ZNF562: variants seen among roughly 807,000 people sequenced by gnomAD.
ZNF562 encodes zinc finger protein 562.
In ZNF562, 13 loss-of-function variants were observed where a neutral mutation model predicts 17.5. That is an observed-to-expected ratio of 0.74 (90% CI 0.48 to 1.18). ZNF562 has a LOEUF of 1.18. ZNF562 is among the 50% of genes most tolerant of loss of function. The probability of loss-of-function intolerance (pLI) is 0.00; values close to 1 mark genes in which losing one functional copy is unlikely to be tolerated. For synonymous variants in ZNF562, 163 were observed against 165.4 expected (o/e 0.99, Z 0.11); for missense variants, 481 against 498.5 (o/e 0.96, Z 0.33).
Position 9,650,299 on chromosome 19 carries a change from T to A in ZNF562, c.*2650A>T, listed in dbSNP as rs989017224. The stretch of plus-strand genomic sequence containing the variant: ...AGTACTTAATATGATTCTTTTCTCT[T>A]TCCACATAGAGAATCAGATAATCTA... On this transcript the variant is annotated 3_prime_UTR_variant, in exon 6 of 6. Coordinates refer to ENST00000453372, the MANE Select transcript of ZNF562 (RefSeq NM_001130031.2). 1.3e-5 allele frequency: 2 copies of A among 151,832 alleles called. No individual in the cohort carries two copies. The highest frequency in any genetic ancestry group is 4.8e-5 in the African/African-American group (2 of 41,336). The allele number at this position is 151,832 out of a possible 1,614,324, so 9.4% of individuals were successfully genotyped here.
chr19:9,658,737 G>T (rs1418599782), intron 3 of ZNF562, among the ~76,000 whole-genome samples: 1 of 151,374 alleles, frequency 6.6e-6, no homozygotes, highest in Non-Finnish European at 1.5e-5. Flanking sequence ...TTTAATTTTT[G>T]ATTAGAACAG....
Position 9,642,390 on chromosome 19 carries a change from C to T in ZNF562, c.*10559G>A, listed in dbSNP as rs981571885. The T allele has an allele frequency of 3.3e-5, 5 of 151,710 alleles. No individual in the cohort carries two copies. Among genetic ancestry groups the T allele is most frequent in the Non-Finnish European group, 7.4e-5 (5 of 67,988 alleles). The allele number at this position is 151,710 out of a possible 1,614,324, so 9.4% of individuals were successfully genotyped here. The stretch of plus-strand genomic sequence containing the variant: ...CTTTACTTCCTGGGCTCAAGCAGTC[C>T]TTTGCCTGAGTACCAGGGACTACAT... On this transcript the variant is annotated 3_prime_UTR_variant, in exon 6 of 6. Transcript: ENST00000453372.
chr19:9,654,689 C>T (rs1007869275), intron 5 of ZNF562, among the ~76,000 whole-genome samples: 15 of 152,000 alleles, frequency 9.9e-5, no homozygotes, highest in African/African-American at 3.1e-4. Flanking sequence ...CCTTCTCATC[C>T]GCCTGCCTAG....
At position 9,643,436 on chromosome 19, in the gene ZNF562, A is replaced by G. The variant is rs1440082277; in HGVS notation, c.*9513T>C. The G allele has an allele frequency of 6.6e-6, 1 of 152,152 alleles. No individual in the cohort carries two copies. The highest frequency in any genetic ancestry group is 1.5e-5 in the Non-Finnish European group (1 of 68,030). The allele number at this position is 152,152 out of a possible 1,614,324, so 9.4% of individuals were successfully genotyped here. A position where few individuals can be genotyped will look rare whatever the true frequency, so the allele number is the denominator to read the frequency against. ...TCTGGGCAAATTCCAGGCATCATCC[A>G]TAATGATGAATGCACAAATACAAAG... On this transcript the variant is annotated 3_prime_UTR_variant, in exon 6 of 6. Coordinates refer to ENST00000453372, the MANE Select transcript of ZNF562 (RefSeq NM_001130031.2).
rs200308867 is a variant in ZNF562 at position 9,652,940 on chromosome 19, A to G, written c.*9T>C. 8.8e-5 allele frequency: 130 copies of G among 1,474,590 alleles called. No homozygotes were observed. Among genetic ancestry groups the G allele is most frequent in the Non-Finnish European group, 1.1e-4 (122 of 1,112,444 alleles). 91.3% of individuals were successfully genotyped at this position (1,474,590 alleles called of 1,614,324 possible). A position where few individuals can be genotyped will look rare whatever the true frequency, so the allele number is the denominator to read the frequency against. On this transcript the variant is annotated 3_prime_UTR_variant, in exon 6 of 6. Coordinates refer to ENST00000453372, the MANE Select transcript of ZNF562 (RefSeq NM_001130031.2). ...GGAATACAGAAATTCTTTCCCACATATCTTGCATTTACCTTTCTCCACTGT... is the reference window on the plus strand; with the variant it reads ...GGAATACAGAAATTCTTTCCCACATGTCTTGCATTTACCTTTCTCCACTGT...
rs923105755 is a variant in ZNF562 at position 9,647,885 on chromosome 19, G to C, written c.*5064C>G. 1.3e-4 allele frequency: 20 copies of C among 151,980 alleles called. No individual in the cohort carries two copies. The highest frequency in any genetic ancestry group is 4.1e-4 in the African/African-American group (17 of 41,370). 9.4% of individuals were successfully genotyped at this position (151,980 alleles called of 1,614,324 possible). Reference sequence around the variant, plus strand: ...AAACAAACACCAACTCAAAAACAAAGAAACAAACCAAAAAAATGAAAATAT... The same window carrying C: ...AAACAAACACCAACTCAAAAACAAACAAACAAACCAAAAAAATGAAAATAT... On this transcript the variant is annotated 3_prime_UTR_variant, in exon 6 of 6. Transcript: ENST00000453372.
chr19:9,652,676 G>T lies in ZNF562; in HGVS notation c.*273C>A. 3.7e-6 allele frequency: 1 copy of T among 273,568 alleles called. No individual in the cohort carries two copies. The highest frequency in any genetic ancestry group is 6.8e-5 in the East Asian group (1 of 14,666). 16.9% of individuals were successfully genotyped at this position (273,568 alleles called of 1,614,324 possible). ...CGGGATGCATCTAAGGCCAATCTGT[G>T]AGCCATTACAACCTCCAAAAGGCAT... On this transcript the variant is annotated 3_prime_UTR_variant, in exon 6 of 6. Coordinates refer to ENST00000453372, the MANE Select transcript of ZNF562 (RefSeq NM_001130031.2).
chr19:9,658,855 C>G (rs2043619512), intron 3 of ZNF562, among the ~76,000 whole-genome samples: 1 of 152,130 alleles, frequency 6.6e-6, no homozygotes, highest in Non-Finnish European at 1.5e-5. Flanking sequence ...CACCCAGGCA[C>G]AATCGCTGCT....
intron 4 of ZNF562, 88 bp downstream of exon 4, chr19:9,657,921 G>T (rs550249020): frequency 6.8e-7 from 1 of 1,475,368 alleles, no homozygotes; most frequent in Non-Finnish European, 9.1e-7. Context: ...AAACTCCCAG[G>T]CTCCAGCGAT....
At chr19:9,656,721 C>T (rs1205037690) in intron 4 of ZNF562, 68 bp from the exon 5 acceptor site, 1 of 1,521,448 alleles carries the variant, frequency 6.6e-7, no homozygotes, top group African/African-American at 1.4e-5. Flanking sequence ...AAATTAAACA[C>T]AGTATGAAAA....
Position 9,651,455 on chromosome 19 carries a change from C to T in ZNF562, c.*1494G>A, listed in dbSNP as rs1176152837. ...TACAGGAAAATGTGCTGGGAACAGGCCCCCCAAATCTGGCCATAAACAGGC... is the reference window on the plus strand; with the variant it reads ...TACAGGAAAATGTGCTGGGAACAGGTCCCCCAAATCTGGCCATAAACAGGC... On this transcript the variant is annotated 3_prime_UTR_variant, in exon 6 of 6. Transcript: ENST00000453372. 6.6e-6 allele frequency: 1 copy of T among 152,138 alleles called. No individual in the cohort carries two copies. The highest frequency in any genetic ancestry group is 6.6e-5 in the Admixed American group (1 of 15,258). The allele number at this position is 152,138 out of a possible 1,614,324, so 9.4% of individuals were successfully genotyped here.
chr19:9,672,743 C>T (rs2044241541), intron 1 of ZNF562, among the ~76,000 whole-genome samples: 1 of 149,332 alleles, frequency 6.7e-6, no homozygotes, highest in African/African-American at 2.5e-5. Flanking sequence ...CTAAGAACTT[C>T]AGATGAAGAG....
intron 3 of ZNF562, 124 bp from the exon 4 acceptor site, chr19:9,658,259 C>T: frequency 7.3e-7 from 1 of 1,376,016 alleles, no homozygotes; most frequent in East Asian, 2.6e-5. Flanking sequence ...ATGATCTACT[C>T]CAGGGTTTAA....
At position 9,646,080 on chromosome 19, in the gene ZNF562, T is replaced by C. The variant is rs574407599; in HGVS notation, c.*6869A>G. ...TATTCAAGTATTTTTTCTTTTTTTTTTTTTTTTTGTGACAGAGTTTCACTC... is the reference window on the plus strand; with the variant it reads ...TATTCAAGTATTTTTTCTTTTTTTTCTTTTTTTTGTGACAGAGTTTCACTC... On this transcript the variant is annotated 3_prime_UTR_variant, in exon 6 of 6. Coordinates refer to ENST00000453372, the MANE Select transcript of ZNF562 (RefSeq NM_001130031.2). 1 of 151,068 alleles carries C rather than the reference T, an allele frequency of 6.6e-6. No individual in the cohort carries two copies. The highest frequency in any genetic ancestry group is 2.1e-4 in the South Asian group (1 of 4,808). 9.4% of individuals were successfully genotyped at this position (151,068 alleles called of 1,614,324 possible). A position where few individuals can be genotyped will look rare whatever the true frequency, so the allele number is the denominator to read the frequency against.
chr19:9,651,324 G>A lies in ZNF562; in HGVS notation c.*1625C>T, dbSNP rs935628763. ...AAGAACTTGGCAGAACTGTATTCTAGCATTTTACGGAAGGTAGAGCTTGAG... is the reference window on the plus strand; with the variant it reads ...AAGAACTTGGCAGAACTGTATTCTAACATTTTACGGAAGGTAGAGCTTGAG... On this transcript the variant is annotated 3_prime_UTR_variant, in exon 6 of 6. Coordinates refer to ENST00000453372, the MANE Select transcript of ZNF562 (RefSeq NM_001130031.2). 6.6e-6 allele frequency: 1 copy of A among 152,156 alleles called. No individual in the cohort carries two copies. The highest frequency in any genetic ancestry group is 2.4e-5 in the African/African-American group (1 of 41,426). 9.4% of individuals were successfully genotyped at this position (152,156 alleles called of 1,614,324 possible).
At chr19:9,654,907 A>G (rs1027329471) in intron 5 of ZNF562, among the ~76,000 whole-genome samples, 1 of 151,980 alleles carries the variant, frequency 6.6e-6, no homozygotes, top group African/African-American at 2.4e-5. Flanking sequence ...TATTTCTTCC[A>G]TGGTTTCATT....
rs2074880485 is a variant in ZNF562, at chr19:9,652,394, G to GT, written c.*554_*555insA. ...ATCTTTTTAACAATCCACCTCTGGG[G>GT]CCTACATCATCTTGGCTTCTGGTAA... is the stretch of plus-strand genomic sequence containing the variant. On this transcript the variant is annotated 3_prime_UTR_variant, in exon 6 of 6. Coordinates refer to ENST00000453372, the MANE Select transcript of ZNF562 (RefSeq NM_001130031.2). The GT allele has an allele frequency of 6.6e-6, 1 of 152,306 alleles. No homozygotes were observed. Among genetic ancestry groups the GT allele is most frequent in the South Asian group, 2.1e-4 (1 of 4,842 alleles). The allele number at this position is 152,306 out of a possible 1,614,324, so 9.4% of individuals were successfully genotyped here.
chr19:9,656,023 A>C (rs992503747), intron 5 of ZNF562, among the ~76,000 whole-genome samples: 3 of 151,942 alleles, frequency 2.0e-5, no homozygotes, highest in Non-Finnish European at 4.4e-5. Flanking sequence ...ATGAGCCACC[A>C]CATCCAGCCT....
rs1423558043 is a variant in ZNF562, at chr19:9,653,336, T to TCTAAAGGATCTTC, written c.881_893dup (p.Asn299LysfsTer4). On this transcript the variant is annotated stop_gained and frameshift_variant, in exon 6 of 6. Transcript: ENST00000453372. LOFTEE classifies it low-confidence loss of function (END_TRUNC). ...TGTGAACATTAAAGGATGAGGAATT[T>TCTAAAGGATCTTC]CTAAAGGATCTTCCACATTCTTTAC... 1 of 1,613,944 alleles carries TCTAAAGGATCTTC rather than the reference T, an allele frequency of 6.2e-7. No homozygotes were observed. The highest frequency in any genetic ancestry group is 8.5e-7 in the Non-Finnish European group (1 of 1,179,978).
Sources: gnomAD v4.1 joint callset for allele counts (sites outside exome capture counted in the v4.1 genomes callset) on GRCh38, gnomAD v4.1.1 for gene constraint, MANE v1.5 for transcripts, NCBI Gene and HGNC (gene_info 2026-07-23, HGNC 2026-07-21) for gene names.